Variants in ZIK1 observed in about 807,000 individuals in gnomAD.
ZIK1 encodes zinc finger protein interacting with ribonucleoprotein K.
Under a neutral mutation model 10.7 loss-of-function variants are expected in ZIK1, and 12 were observed. The ratio of observed to expected loss-of-function variants is 1.12; its 90% CI spans 0.72 to 1.81. ZIK1 has a LOEUF of 1.81. Among genes scored for constraint, ZIK1 ranks in the 40% most tolerant of loss-of-function variants. ZIK1 has a pLI of 0.00. For missense variants in ZIK1, 497 were observed against 585.7 expected (o/e 0.85, Z 1.56); for synonymous variants, 190 against 205.0 (o/e 0.93, Z 0.63).
At chr19:57,587,753 G>C (rs1298681794) in intron 2 of ZIK1, among the ~76,000 whole-genome samples, 1 of 152,200 alleles carries the variant, frequency 6.6e-6, no homozygotes, top group African/African-American at 2.4e-5. Context: ...CCAGGAATTT[G>C]TTGTGACCCT....
rs931726855 is a variant in ZIK1 at position 57,592,664 on chromosome 19, G to C, written c.*1389G>C. The C allele has an allele frequency of 2.0e-5, 3 of 152,170 alleles. No homozygotes were observed. The highest frequency in any genetic ancestry group is 7.2e-5 in the African/African-American group (3 of 41,430). The allele number at this position is 152,170 out of a possible 1,614,324, so 9.4% of individuals were successfully genotyped here. A position where few individuals can be genotyped will look rare whatever the true frequency, so the allele number is the denominator to read the frequency against. On this transcript the variant is annotated 3_prime_UTR_variant, in exon 4 of 4. Coordinates refer to ENST00000597850, the MANE Select transcript of ZIK1 (RefSeq NM_001010879.4). ...ACATTTCCTGCATGGAGGGACTCAT[G>C]GTTGCCCTTCCCCAGGCCTGAAGAG... is the stretch of plus-strand genomic sequence containing the variant.
Position 57,588,648 on chromosome 19 carries a change from C to A in ZIK1, c.182C>A (p.Ala61Asp), listed in dbSNP as rs770205125. ...LYLEVMLENF[A>D]LVASLGCGHG... ...CTTGAAGTGATGCTGGAGAACTTTG[C>A]CCTTGTAGCCTCACTGGGTAAGGCC... The change falls in exon 3 of 4, where the codon GCC becomes GAC. Residue 61 changes from alanine to aspartate, a missense_variant. Coordinates refer to ENST00000597850, the MANE Select transcript of ZIK1 (RefSeq NM_001010879.4). The A allele has an allele frequency of 1.6e-5, 25 of 1,569,982 alleles. No individual in the cohort carries two copies. The highest frequency in any genetic ancestry group is 2.0e-5 in the Non-Finnish European group (23 of 1,154,692).
chr19:57,588,150 T>G (rs748650905), intron 2 of ZIK1, among the ~76,000 whole-genome samples: 4 of 151,200 alleles, frequency 2.6e-5, no homozygotes, highest in Non-Finnish European at 5.9e-5. Context: ...GCCGTGGGAG[T>G]GAGACTGAGC....
At chr19:57,584,859 A>G in intron 1 of ZIK1, 93 bp from the exon 2 acceptor site, 1 of 1,444,574 alleles carries the variant, frequency 6.9e-7, no homozygotes, top group East Asian at 2.3e-5. Flanking sequence ...TCCTCAGTCC[A>G]CCTGGCTCTG....
chr19:57,585,095 C>A, intron 2 of ZIK1, 105 bp downstream of exon 2: 2 of 1,055,546 alleles, frequency 1.9e-6, no homozygotes, highest in Non-Finnish European at 2.7e-6. Context: ...GGACTCTTCA[C>A]AAACTGGAAG....
In ZIK1 at chr19:57,584,571, CTT is replaced by C. The variant is rs1978958331; in HGVS notation, c.33+183_33+184del. On this transcript the variant is annotated intron_variant, in intron 1 of 3. Coordinates refer to ENST00000597850, the MANE Select transcript of ZIK1 (RefSeq NM_001010879.4). ...GCAAAGGGACCAGCGTTTCTAAACT[CTT>C]GGAGACACAGTGAAGAAGGTTCATA... The C allele has an allele frequency of 2.1e-6, 3 of 1,406,894 alleles. No homozygotes were observed. The East Asian group carries it at 8.1e-5, about 38-fold the overall frequency. The allele number at this position is 1,406,894 out of a possible 1,614,324, so 87.2% of individuals were successfully genotyped here.
intron 3 of ZIK1, chr19:57,589,326 G>C: frequency 2.0e-6 from 2 of 985,240 alleles, no homozygotes; most frequent in East Asian, 1.1e-4. Context: ...GCTGTTTTCC[G>C]ATCACATAAG....
chr19:57,589,923 G>A, intron 3 of ZIK1, 88 bp from the exon 4 acceptor site: 1 of 1,451,482 alleles, frequency 6.9e-7, no homozygotes, highest in Non-Finnish European at 9.3e-7. Flanking sequence ...AACAAACCTG[G>A]TGAATCATTC....
chr19:57,586,131 CTGTCCA>C (rs1979136880), intron 2 of ZIK1, among the ~76,000 whole-genome samples: 1 of 152,158 alleles, frequency 6.6e-6, no homozygotes, highest in African/African-American at 2.4e-5. Flanking sequence ...AGGTGAGTAG[CTGTCCA>C]TGTACATCTA....
In ZIK1 at chr19:57,588,614, C is replaced by T. The variant is rs1979372697; in HGVS notation, c.148C>T (p.Leu50Phe). The change falls in exon 3 of 4, where the codon CTC becomes TTC. Residue 50 changes from leucine to phenylalanine, a missense_variant. Coordinates refer to ENST00000597850, the MANE Select transcript of ZIK1 (RefSeq NM_001010879.4). The stretch of plus-strand genomic sequence containing the variant: ...GGGACTTCTTGATGAGGCTCAGAGA[C>T]TCCTGTACCTTGAAGTGATGCTGGA... ...EWGLLDEAQR[L>F]LYLEVMLENF... 3 of 1,590,952 alleles carry T rather than the reference C, an allele frequency of 1.9e-6. No individual in the cohort carries two copies. The highest frequency in any genetic ancestry group is 2.7e-5 in the African/African-American group (2 of 74,348).
chr19:57,590,178 C>G lies in ZIK1; in HGVS notation c.367C>G (p.Pro123Ala). ...TCTAGCTGATCTCCCTGGGCAGAAA[C>G]CATACTTGGTTGGAGAATGTACAAA... is the stretch of plus-strand genomic sequence containing the variant. ...LHLADLPGQK[P>A]YLVGECTNHH... Residue 123 changes from proline to alanine, a missense_variant, in exon 4 of 4, where the codon CCA (proline) becomes GCA (alanine). Pro to Ala is a conservative substitution (Grantham distance 27). Coordinates refer to ENST00000597850, the MANE Select transcript of ZIK1 (RefSeq NM_001010879.4). The G allele has an allele frequency of 6.2e-7, 1 of 1,614,178 alleles. No individual in the cohort carries two copies. The highest frequency in any genetic ancestry group is 8.5e-7 in the Non-Finnish European group (1 of 1,180,044).
Position 57,591,383 on chromosome 19 carries a change from T to C in ZIK1, c.*108T>C. The stretch of plus-strand genomic sequence containing the variant: ...TAGAGCCTTAGACCTACAGGGAAAG[T>C]GCTGTCTCTGTAGTATTGTAGCAGT... On this transcript the variant is annotated 3_prime_UTR_variant, in exon 4 of 4. Coordinates refer to ENST00000597850, the MANE Select transcript of ZIK1 (RefSeq NM_001010879.4). 5 of 1,128,818 alleles carry C rather than the reference T, an allele frequency of 4.4e-6. No homozygotes were observed. The highest frequency in any genetic ancestry group is 6.2e-6 in the Non-Finnish European group (5 of 803,182). 69.9% of individuals were successfully genotyped at this position (1,128,818 alleles called of 1,614,324 possible). A position where few individuals can be genotyped will look rare whatever the true frequency, so the allele number is the denominator to read the frequency against.
intron 2 of ZIK1, among the ~76,000 whole-genome samples, chr19:57,587,659 G>A (rs1242629238): frequency 6.6e-6 from 1 of 152,172 alleles, no homozygotes; most frequent in Non-Finnish European, 1.5e-5. Flanking sequence ...TTGTTGATAA[G>A]CCACCCAGTT....
rs1979796193 is a variant in ZIK1 at position 57,592,624 on chromosome 19, C to T, written c.*1349C>T. 1 of 152,136 alleles carries T rather than the reference C, an allele frequency of 6.6e-6. No individual in the cohort carries two copies. Among genetic ancestry groups the T allele is most frequent in the Non-Finnish European group, 1.5e-5 (1 of 68,022 alleles). 9.4% of individuals were successfully genotyped at this position (152,136 alleles called of 1,614,324 possible). Reference sequence around the variant, plus strand: ...TGCTGTTGTCTCAAATTGCCACAGCCTTCATTGCTTGCCAACATTTCCTGC... The same window carrying T: ...TGCTGTTGTCTCAAATTGCCACAGCTTTCATTGCTTGCCAACATTTCCTGC... On this transcript the variant is annotated 3_prime_UTR_variant, in exon 4 of 4. Transcript: ENST00000597850.
chr19:57,591,032 T>C lies in ZIK1; in HGVS notation c.1221T>C (p.Tyr407=), dbSNP rs200562644. The C allele has an allele frequency of 2.8e-5, 45 of 1,614,134 alleles. 1 individual carries two copies. Among genetic ancestry groups the C allele is most frequent in the Admixed American group, 3.3e-5 (2 of 60,004 alleles). ...GAGTTCACACTGGAGAAAGGCCTTATAAGTGTGGTGACTGTGGGAAATCCT... is the reference window on the plus strand; with the variant it reads ...GAGTTCACACTGGAGAAAGGCCTTACAAGTGTGGTGACTGTGGGAAATCCT... The part of the protein sequence containing the change: ...HQRVHTGERP[Y]KCGDCGKSFS... Residue 407 remains tyrosine, a synonymous_variant, in exon 4 of 4, where the codon TAT becomes TAC. Coordinates refer to ENST00000597850, the MANE Select transcript of ZIK1 (RefSeq NM_001010879.4).
chr19:57,589,269 AG>A, intron 3 of ZIK1: 1 of 985,286 alleles, frequency 1.0e-6, no homozygotes, highest in Non-Finnish European at 1.2e-6. Flanking sequence ...GTCTCAGAGA[AG>A]GCCTGGGCTT....
intron 3 of ZIK1, 170 bp from the exon 4 acceptor site, chr19:57,589,841 C>A: frequency 1.5e-6 from 1 of 659,718 alleles, no homozygotes; most frequent in Non-Finnish European, 1.9e-6. Flanking sequence ...CTCCCTCATT[C>A]TGTGATCTTT....
In ZIK1 at chr19:57,584,201, C is replaced by A; in HGVS notation, c.-156C>A. 7.3e-7 allele frequency: 1 copy of A among 1,368,490 alleles called. No individual in the cohort carries two copies. Among genetic ancestry groups the A allele is most frequent in the Admixed American group, 2.7e-5 (1 of 37,040 alleles). The allele number at this position is 1,368,490 out of a possible 1,614,324, so 84.8% of individuals were successfully genotyped here. Reference sequence around the variant, plus strand: ...ATCCAGACCGTCAGAGCTTTGGGAGCGCTTTGTTTGGCGACAGTCGGAAGG... The same window carrying A: ...ATCCAGACCGTCAGAGCTTTGGGAGAGCTTTGTTTGGCGACAGTCGGAAGG... On this transcript the variant is annotated 5_prime_UTR_variant, in exon 1 of 4. Coordinates refer to ENST00000597850, the MANE Select transcript of ZIK1 (RefSeq NM_001010879.4).
At chr19:57,584,844 A>G (rs1978983964) in intron 1 of ZIK1, 108 bp from the exon 2 acceptor site, 1 of 1,303,926 alleles carries the variant, frequency 7.7e-7, no homozygotes. Context: ...GAAATAATGC[A>G]GGCATCCTCA....
Sources: allele counts gnomAD v4.1 joint callset (sites outside exome capture counted in the v4.1 genomes callset), GRCh38; gene constraint gnomAD v4.1.1; transcripts MANE v1.5; gene names NCBI Gene and HGNC (gene_info 2026-07-23, HGNC 2026-07-21).